Variants in TPD52 observed in about 807,000 individuals in gnomAD.
TPD52 encodes the protein prostate and colon associated protein.
In TPD52, 17 loss-of-function variants were observed where a neutral mutation model predicts 31.3. The observed-to-expected ratio is 0.54, with a 90% CI of 0.37 to 0.82. TPD52 has a LOEUF of 0.82. Among genes scored for constraint, TPD52 ranks in the 40% least tolerant of loss-of-function variants. TPD52 has a pLI of 0.00. For synonymous variants in TPD52, 83 were observed against 89.6 expected, an observed-to-expected ratio of 0.93 and a Z score of 0.42; for missense variants, 212 against 240.1, an observed-to-expected ratio of 0.88 and a Z score of 0.77.
At chr8:80,098,777 A>C (rs1206101602) in intron 1 of TPD52, among the ~76,000 whole-genome samples, 1 of 152,228 alleles carries the variant, frequency 6.6e-6, no homozygotes, top group Non-Finnish European at 1.5e-5. Context: ...AAGAAGTTCT[A>C]CTGTGGGTAA....
At chr8:80,140,056 T>C (rs1303760390) in intron 1 of TPD52, among the ~76,000 whole-genome samples, 1 of 152,246 alleles carries the variant, frequency 6.6e-6, no homozygotes, top group African/African-American at 2.4e-5. Flanking sequence ...CTTTGTTTTA[T>C]GCTAAGGCCC....
chr8:80,051,591 G>C lies in TPD52; in HGVS notation c.322C>G (p.Gln108Glu). 6.2e-7 allele frequency: 1 copy of C among 1,612,784 alleles called. No individual in the cohort carries two copies. The highest frequency in any genetic ancestry group is 8.5e-7 in the Non-Finnish European group (1 of 1,179,506). Residue 108 changes from glutamine to glutamate, a missense_variant, in exon 4 of 8, where the codon CAG becomes GAG. Gln to Glu is a conservative substitution (Grantham distance 29, BLOSUM62 2). Transcript: ENST00000518937. ...GACGAAAAAGCAGCTGAGGCCTTCTGTCCAGCCTGGGATAAGGTTTCAGAT... is the reference window on the plus strand; with the variant it reads ...GACGAAAAAGCAGCTGAGGCCTTCTCTCCAGCCTGGGATAAGGTTTCAGAT... ...KTSETLSQAGQKASAAFSSVG... is the reference protein window; with the variant it reads ...KTSETLSQAGEKASAAFSSVG...
At chr8:80,159,125 T>C (rs1399564423) in intron 1 of TPD52, among the ~76,000 whole-genome samples, 1 of 152,136 alleles carries the variant, frequency 6.6e-6, no homozygotes, top group African/African-American at 2.4e-5. Context: ...GTATCTAATA[T>C]TCAGTTTCAA....
chr8:80,068,483 C>T (rs974817959), intron 1 of TPD52, among the ~76,000 whole-genome samples: 1 of 152,202 alleles, frequency 6.6e-6, no homozygotes, highest in South Asian at 2.1e-4. Context: ...CATTATCAAA[C>T]ACAAGTGACT....
intron 1 of TPD52, among the ~76,000 whole-genome samples, chr8:80,150,190 C>T (rs1262034120): frequency 3.3e-5 from 5 of 152,242 alleles, no homozygotes; most frequent in African/African-American, 1.2e-4. Flanking sequence ...TCAGAGGGTG[C>T]AAGCCCCAAG....
intron 1 of TPD52, among the ~76,000 whole-genome samples, chr8:80,129,542 T>C (rs1044528223): frequency 6.6e-6 from 1 of 152,162 alleles, no homozygotes; most frequent in Non-Finnish European, 1.5e-5. Context: ...TCATCACTCT[T>C]CTTTGCTCTT....
At chr8:80,053,707 C>G (rs1811592367) in intron 2 of TPD52, among the ~76,000 whole-genome samples, 2 of 152,066 alleles carry the variant, frequency 1.3e-5, no homozygotes. Flanking sequence ...ACTCAGCTAT[C>G]TCATGTAGGT....
intron 1 of TPD52, among the ~76,000 whole-genome samples, chr8:80,136,152 T>TAA (rs200767546): frequency 1.5e-5 from 2 of 135,730 alleles, no homozygotes; most frequent in Non-Finnish European, 3.2e-5. Context: ...ATTAATTAAT[T>TAA]AAAAAAAAAA....
intron 1 of TPD52, among the ~76,000 whole-genome samples, chr8:80,081,030 T>C (rs1815214347): frequency 6.6e-6 from 1 of 152,178 alleles, no homozygotes; most frequent in Non-Finnish European, 1.5e-5. Context: ...AGCTTCCTGG[T>C]TTAGCAATCA....
At chr8:80,166,272 C>T (rs1811703318) in intron 1 of TPD52, among the ~76,000 whole-genome samples, 1 of 152,056 alleles carries the variant, frequency 6.6e-6, no homozygotes, top group African/African-American at 2.4e-5. Flanking sequence ...AAATTGGTGC[C>T]ATTGCACTCC....
chr8:80,042,273 C>G, intron 7 of TPD52: 1 of 985,334 alleles, frequency 1.0e-6, no homozygotes, highest in Non-Finnish European at 1.2e-6. Context: ...CTTGTGCTTC[C>G]TATATTCTTG....
At chr8:80,066,259 G>T (rs1328455910) in intron 1 of TPD52, among the ~76,000 whole-genome samples, 1 of 152,140 alleles carries the variant, frequency 6.6e-6, no homozygotes, top group Non-Finnish European at 1.5e-5. Context: ...CTTGGTACAG[G>T]CTCTACTGTA....
At chr8:80,083,832 A>G (rs185969536) in intron 1 of TPD52, among the ~76,000 whole-genome samples, 6 of 152,272 alleles carry the variant, frequency 3.9e-5, no homozygotes, top group African/African-American at 1.4e-4. Flanking sequence ...TCCTGTGGAT[A>G]ATTCCACTTG....
In TPD52 at chr8:80,038,110, G is replaced by A; in HGVS notation, c.*6C>T. ...GGCAGTGGGTAGCAGAACAAAGGTA[G>A]GAATCTCACAGGCTCTCCTGTGTCT... On this transcript the variant is annotated 3_prime_UTR_variant, in exon 8 of 8. Transcript: ENST00000518937. 1 of 1,613,758 alleles carries A rather than the reference G, an allele frequency of 6.2e-7. No individual in the cohort carries two copies. The highest frequency in any genetic ancestry group is 1.6e-4 in the Middle Eastern group (1 of 6,062).
chr8:80,058,915 AACAG>A (rs1254319338), intron 2 of TPD52, among the ~76,000 whole-genome samples: 1 of 152,248 alleles, frequency 6.6e-6, no homozygotes, highest in Non-Finnish European at 1.5e-5. Context: ...GAGTAGTACA[AACAG>A]ACAGAAGATC....
intron 1 of TPD52, among the ~76,000 whole-genome samples, chr8:80,097,880 A>G (rs569114405): frequency 4.6e-5 from 7 of 152,330 alleles, no homozygotes; most frequent in African/African-American, 1.7e-4. Context: ...TCAATGCTTC[A>G]ATGGACAGGC....
intron 1 of TPD52, among the ~76,000 whole-genome samples, chr8:80,154,733 ACACACACACACACAC>A (rs1810817472): frequency 6.7e-5 from 10 of 149,804 alleles, no homozygotes; most frequent in Non-Finnish European, 8.9e-5. Flanking sequence ...ACACACACAC[ACACACACACACACAC>A]ACACAAAACA....
chr8:80,049,905 C>G (rs1317445967), intron 5 of TPD52, among the ~76,000 whole-genome samples: 1 of 151,634 alleles, frequency 6.6e-6, no homozygotes, highest in Non-Finnish European at 1.5e-5. Context: ...GCTAGTAAAA[C>G]AAGTATTAAA....
At chr8:80,115,867 A>G (rs1441961019) in intron 1 of TPD52, among the ~76,000 whole-genome samples, 2 of 152,242 alleles carry the variant, frequency 1.3e-5, no homozygotes, top group Non-Finnish European at 2.9e-5. Context: ...AAAATGTTCA[A>G]CAAGGTCAAA....
Sources: allele counts gnomAD v4.1 joint callset (sites outside exome capture counted in the v4.1 genomes callset), GRCh38; gene constraint gnomAD v4.1.1; transcripts MANE v1.5; gene names NCBI Gene and HGNC (gene_info 2026-07-23, HGNC 2026-07-21).